MYO1D: variants seen among roughly 807,000 people sequenced by gnomAD.
MYO1D encodes myosin ID.
In MYO1D, 83 loss-of-function variants were observed where a neutral mutation model predicts 122.0. The observed-to-expected ratio is 0.68, with a 90% CI of 0.57 to 0.82. The LOEUF is 0.82. MYO1D is among the 40% of genes least tolerant of loss of function. The pLI is 0.00. For synonymous variants in MYO1D, 464 were observed against 446.9 expected, an observed-to-expected ratio of 1.04 and a Z score of -0.48; for missense variants, 1,157 against 1,269.5, an observed-to-expected ratio of 0.91 and a Z score of 1.35.
At chr17:32,675,627 T>C (rs1481580264) in intron 16 of MYO1D, among the ~76,000 whole-genome samples, 1 of 152,182 alleles carries the variant, frequency 6.6e-6, no homozygotes, top group African/African-American at 2.4e-5. Flanking sequence ...ATCTTCTTAG[T>C]AATTTGTAAT....
chr17:32,861,196 G>C (rs1455225243), intron 1 of MYO1D, among the ~76,000 whole-genome samples: 1 of 150,936 alleles, frequency 6.6e-6, no homozygotes, highest in African/African-American at 2.4e-5. Flanking sequence ...AGCCTCCCGA[G>C]CTGGGACTAC....
At chr17:32,833,030 T>C (rs2090787461) in intron 1 of MYO1D, among the ~76,000 whole-genome samples, 1 of 152,232 alleles carries the variant, frequency 6.6e-6, no homozygotes, top group South Asian at 2.1e-4. Flanking sequence ...ACAAGTTCCC[T>C]CAGAATTAAT....
At chr17:32,528,549 C>T (rs1910416922) in intron 21 of MYO1D, among the ~76,000 whole-genome samples, 1 of 152,118 alleles carries the variant, frequency 6.6e-6, no homozygotes, top group East Asian at 1.9e-4. Context: ...TATCCACATC[C>T]TAATCCCTGG....
intron 21 of MYO1D, among the ~76,000 whole-genome samples, chr17:32,562,004 T>TC (rs933163679): frequency 1.3e-5 from 2 of 151,412 alleles, no homozygotes; most frequent in Non-Finnish European, 2.9e-5. Flanking sequence ...CTCTTTTTTT[T>TC]TTGGAGACAG....
At chr17:32,745,079 A>G in intron 13 of MYO1D, 132 bp downstream of exon 13, 1 of 617,828 alleles carries the variant, frequency 1.6e-6, no homozygotes. Context: ...TATGCTATTT[A>G]TTAAGTCTGA....
chr17:32,580,021 A>T (rs1020312404), intron 21 of MYO1D, among the ~76,000 whole-genome samples: 1 of 152,176 alleles, frequency 6.6e-6, no homozygotes, highest in Non-Finnish European at 1.5e-5. Context: ...AGTGGCTGGA[A>T]TATGTGGCAG....
chr17:32,561,819 ATAT>A (rs1322429226), intron 21 of MYO1D, among the ~76,000 whole-genome samples: 1 of 152,142 alleles, frequency 6.6e-6, no homozygotes, highest in East Asian at 1.9e-4. Flanking sequence ...TAACATAGAA[ATAT>A]TATATTTTAC....
chr17:32,802,285 G>A (rs371540351), intron 1 of MYO1D, among the ~76,000 whole-genome samples: 94 of 152,318 alleles, frequency 6.2e-4, no homozygotes, highest in Middle Eastern at 3.4e-3. Flanking sequence ...GAAGCAACGC[G>A]TTTATTTATG....
chr17:32,865,443 G>GT (rs1359142387), intron 1 of MYO1D, among the ~76,000 whole-genome samples: 2 of 152,158 alleles, frequency 1.3e-5, no homozygotes, highest in African/African-American at 4.8e-5. Context: ...GTGGTAATGG[G>GT]TTTTTTCCCA....
intron 20 of MYO1D, among the ~76,000 whole-genome samples, chr17:32,634,186 C>T (rs1309993851): frequency 6.6e-6 from 1 of 152,208 alleles, no homozygotes; most frequent in East Asian, 1.9e-4. Flanking sequence ...CTCTCTGACC[C>T]AGATGCAATT....
chr17:32,624,108 C>A (rs149312018), intron 20 of MYO1D, among the ~76,000 whole-genome samples: 3 of 152,026 alleles, frequency 2.0e-5, no homozygotes, highest in African/African-American at 7.2e-5. Context: ...TTCCAAGGAG[C>A]CAAAACAACA....
At chr17:32,850,400 G>A (rs754610917) in intron 1 of MYO1D, among the ~76,000 whole-genome samples, 3 of 152,160 alleles carry the variant, frequency 2.0e-5, no homozygotes, top group Non-Finnish European at 4.4e-5. Flanking sequence ...CTGAACTACT[G>A]CACTACTCTT....
intron 11 of MYO1D, among the ~76,000 whole-genome samples, chr17:32,753,546 T>C (rs2089918889): frequency 6.6e-6 from 1 of 152,220 alleles, no homozygotes; most frequent in Admixed American, 6.5e-5. Context: ...GACAAATTAC[T>C]ATTTAGCATT....
Position 32,625,389 on chromosome 17 carries a change from C to T in MYO1D, c.2709+13333G>A, listed in dbSNP as rs116926133. Among the ~76,000 whole-genome samples, 1,290 of 152,180 alleles carry T rather than the reference C, an allele frequency of 8.5e-3. 6 individuals are homozygous for T. The highest frequency in any genetic ancestry group is 0.013 in the Non-Finnish European group (914 of 67,992). On this transcript the variant is annotated intron_variant, in intron 20 of 21. Transcript: ENST00000318217. ...TAGAAGAACCTGCACTGAAACATTG[C>T]GCTAGTGGTCAACTTCTCTGAGAAT...
intron 21 of MYO1D, among the ~76,000 whole-genome samples, chr17:32,552,572 A>C (rs905675883): frequency 6.6e-6 from 1 of 151,378 alleles, no homozygotes; most frequent in South Asian, 2.1e-4. Flanking sequence ...TTCATCTCCC[A>C]CCTTCCTCCT....
At chr17:32,578,018 C>G (rs192343046) in intron 21 of MYO1D, among the ~76,000 whole-genome samples, 4 of 152,186 alleles carry the variant, frequency 2.6e-5, no homozygotes, top group Non-Finnish European at 5.9e-5. Flanking sequence ...GGATTACAGG[C>G]GTGAGCCACC....
chr17:32,836,061 C>T (rs1311231984), intron 1 of MYO1D, among the ~76,000 whole-genome samples: 1 of 152,062 alleles, frequency 6.6e-6, no homozygotes, highest in African/African-American at 2.4e-5. Context: ...ACATCTAAAC[C>T]ACTGCATATA....
chr17:32,625,613 G>A (rs1051264060), intron 20 of MYO1D, among the ~76,000 whole-genome samples: 5 of 151,700 alleles, frequency 3.3e-5, no homozygotes, highest in Admixed American at 6.6e-5. Flanking sequence ...GCAATGGTGC[G>A]ATCTTAGCTT....
chr17:32,622,395 A>T (rs894735792), intron 20 of MYO1D, among the ~76,000 whole-genome samples: 3 of 152,132 alleles, frequency 2.0e-5, no homozygotes, highest in African/African-American at 7.2e-5. Flanking sequence ...TCTGGGAACA[A>T]GAGAGTCCCC....
Sources: allele counts gnomAD v4.1 joint callset (sites outside exome capture counted in the v4.1 genomes callset), GRCh38; gene constraint gnomAD v4.1.1; transcripts MANE v1.5; gene names NCBI Gene and HGNC (gene_info 2026-07-23, HGNC 2026-07-21).